MAP3K4: variants seen among roughly 807,000 people sequenced by gnomAD.
MAP3K4 encodes MAP three kinase 1.
MAP3K4 carries 67 observed loss-of-function variants against 185.6 expected under a neutral mutation model. That is an observed-to-expected ratio of 0.36 (90% CI 0.30 to 0.44). The LOEUF is 0.44. Among genes scored for constraint, MAP3K4 ranks in the 20% least tolerant of loss-of-function variants. MAP3K4 has a pLI of 1.00. For synonymous variants in MAP3K4, 702 were observed against 710.4 expected (o/e 0.99, Z 0.19); for missense variants, 1,551 against 1,995.1 (o/e 0.78, Z 4.24).
chr6:161,083,001 G>A (rs892946243), intron 6 of MAP3K4, among the ~76,000 whole-genome samples: 3 of 152,120 alleles, frequency 2.0e-5, no homozygotes, highest in Non-Finnish European at 2.9e-5. Flanking sequence ...TTCTCATTAC[G>A]TCTTTGTCCT....
Position 161,034,594 on chromosome 6 carries a change from T to A in MAP3K4, c.343+145T>A. On this transcript the variant is annotated intron_variant, in intron 2 of 26. Coordinates refer to ENST00000392142, the MANE Select transcript of MAP3K4 (RefSeq NM_005922.4). This position sits in a 1 kb window ranked among gnomAD's most constrained non-coding sequence, Gnocchi z 4.4. ...TCAATTTTTTTTTGAATTATTACCA[T>A]TAGTATTAATAAAATTGACACATAG... is the stretch of plus-strand genomic sequence containing the variant. 4.6e-6 allele frequency: 3 copies of A among 648,990 alleles called. No individual in the cohort carries two copies. The highest frequency in any genetic ancestry group is 7.7e-6 in the Non-Finnish European group (3 of 390,324). 40.2% of individuals were successfully genotyped at this position (648,990 alleles called of 1,614,324 possible).
Position 161,063,691 on chromosome 6 carries a change from ATAT to A in MAP3K4, c.1708-6913_1708-6911del, listed in dbSNP as rs1784578693. Among the ~76,000 whole-genome samples the A allele has an allele frequency of 6.6e-6, 1 of 151,960 alleles. No homozygotes were observed. Among genetic ancestry groups the A allele is most frequent in the African/African-American group, 2.4e-5 (1 of 41,350 alleles). On this transcript the variant is annotated intron_variant, in intron 3 of 26. Coordinates refer to ENST00000392142, the MANE Select transcript of MAP3K4 (RefSeq NM_005922.4). The surrounding 1 kb of genome is among the most constrained non-coding windows in gnomAD (Gnocchi z 5.4). ...GGGAATTTGGGGTACTAGTTTTAAG[ATAT>A]TATGGGGCCTAAACCACTCCAGCCC...
Position 161,100,810 on chromosome 6 carries a change from T to C in MAP3K4, c.3675-1082T>C, listed in dbSNP as rs1168503078. 1.3e-5 allele frequency among the ~76,000 whole-genome samples: 2 copies of C among 152,082 alleles called. No individual in the cohort carries two copies. The highest frequency in any genetic ancestry group is 1.9e-4 in the East Asian group (1 of 5,190). ...TCTTTGTTGCTGCTTAGGAGTGGAG[T>C]AGGCTTCCTCACTTCAACACCAGTG... On this transcript the variant is annotated intron_variant, in intron 17 of 26. Coordinates refer to ENST00000392142, the MANE Select transcript of MAP3K4 (RefSeq NM_005922.4). This position sits in a 1 kb window ranked among gnomAD's most constrained non-coding sequence, Gnocchi z 5.8.
chr6:161,062,919 T>TC (rs1784544846), intron 3 of MAP3K4, among the ~76,000 whole-genome samples: 3 of 151,858 alleles, frequency 2.0e-5, no homozygotes. Context: ...TTTCTTAACT[T>TC]ACAGTTTCAC....
At chr6:161,104,652 A>G (rs1056899358) in intron 19 of MAP3K4, among the ~76,000 whole-genome samples, 1 of 148,826 alleles carries the variant, frequency 6.7e-6, no homozygotes, top group Admixed American at 6.8e-5. Flanking sequence ...CGGAGGTTGC[A>G]GTGAACCAAG....
At position 161,086,745 on chromosome 6, in the gene MAP3K4, G is replaced by A. The variant is rs2114854905; in HGVS notation, c.2556+78G>A. 1 of 1,138,436 alleles carries A rather than the reference G, an allele frequency of 8.8e-7. No individual in the cohort carries two copies. Among genetic ancestry groups the A allele is most frequent in the East Asian group, 2.5e-5 (1 of 40,592 alleles). 70.5% of individuals were successfully genotyped at this position (1,138,436 alleles called of 1,614,324 possible). ...TAAAACAGGCAGACTTTTTCTTGAAGGTCCAGATAGTAAATATTACAGGCT... is the reference window on the plus strand; with the variant it reads ...TAAAACAGGCAGACTTTTTCTTGAAAGTCCAGATAGTAAATATTACAGGCT... On this transcript the variant is annotated intron_variant, in intron 9 of 26. Transcript: ENST00000392142. This position sits in a 1 kb window ranked among gnomAD's most constrained non-coding sequence, Gnocchi z 4.8.
At chr6:161,004,763 C>G (rs1781493937) in intron 1 of MAP3K4, among the ~76,000 whole-genome samples, 1 of 152,062 alleles carries the variant, frequency 6.6e-6, no homozygotes, top group South Asian at 2.1e-4. Context: ...AGAAACTTTC[C>G]TGAAGGAGAA....
intron 6 of MAP3K4, among the ~76,000 whole-genome samples, chr6:161,081,653 TG>T: frequency 6.6e-6 from 1 of 152,186 alleles, no homozygotes; most frequent in East Asian, 1.9e-4. Flanking sequence ...AGGGCTGGTC[TG>T]TCAGTTCTAG....
Position 161,112,649 on chromosome 6 carries a change from A to G in MAP3K4, c.4520-19A>G, listed in dbSNP as rs1217241860. 11 of 1,520,056 alleles carry G rather than the reference A, an allele frequency of 7.2e-6. No individual in the cohort carries two copies. Among genetic ancestry groups the G allele is most frequent in the African/African-American group, 2.8e-5 (2 of 71,890 alleles). The allele number at this position is 1,520,056 out of a possible 1,614,324, so 94.2% of individuals were successfully genotyped here. A position where few individuals can be genotyped will look rare whatever the true frequency, so the allele number is the denominator to read the frequency against. ...GTGTTTATAACCCATTACTCTCAAC[A>G]TATCTGTGACTTTTAAAGCATACAT... On this transcript the variant is annotated intron_variant, in intron 24 of 26. Coordinates refer to ENST00000392142, the MANE Select transcript of MAP3K4 (RefSeq NM_005922.4). The surrounding 1 kb of genome is among the most constrained non-coding windows in gnomAD (Gnocchi z 5.1).
At position 160,991,981 on chromosome 6, in the gene MAP3K4, C is replaced by T; in HGVS notation, c.50C>T (p.Thr17Met). The T allele has an allele frequency of 6.5e-7, 1 of 1,543,820 alleles. No homozygotes were observed. The highest frequency in any genetic ancestry group is 8.7e-7 in the Non-Finnish European group (1 of 1,152,096). Reference sequence around the variant, plus strand: ...GTCCCTCCTCCCGCCTTTGCCGTCACGCCTGCCGCCGCCATGGAGGAGCCG... The same window carrying T: ...GTCCCTCCTCCCGCCTTTGCCGTCATGCCTGCCGCCGCCATGGAGGAGCCG... ...ALVPPPAFAVTPAAAMEEPPP... is the reference protein window; with the variant it reads ...ALVPPPAFAVMPAAAMEEPPP... The change falls in exon 1 of 27, where the codon ACG (threonine) becomes ATG (methionine). Residue 17 changes from threonine (T) to methionine (M), a missense_variant. By Grantham distance (81) the Thr-to-Met change is moderately conservative (BLOSUM62 -1). Coordinates refer to ENST00000392142, the MANE Select transcript of MAP3K4 (RefSeq NM_005922.4). The surrounding 1 kb of genome is among the most constrained non-coding windows in gnomAD (Gnocchi z 5.7).
intron 2 of MAP3K4, among the ~76,000 whole-genome samples, chr6:161,047,276 A>G (rs1457225106): frequency 1.4e-5 from 1 of 73,280 alleles, no homozygotes; most frequent in Non-Finnish European, 3.5e-5. Context: ...TCCTGTCTCT[A>G]CCCAAAAAAA....
At position 161,107,032 on chromosome 6, in the gene MAP3K4, C is replaced by G. The variant is rs1013849875; in HGVS notation, c.4048+327C>G. 7.7e-6 allele frequency among the ~76,000 whole-genome samples: 1 copy of G among 129,552 alleles called. No homozygotes were observed. The highest frequency in any genetic ancestry group is 1.6e-5 in the Non-Finnish European group (1 of 62,646). The allele number at this position is 129,552 out of a possible 152,430, so 85.0% of individuals were successfully genotyped here. A position where few individuals can be genotyped will look rare whatever the true frequency, so the allele number is the denominator to read the frequency against. On this transcript the variant is annotated intron_variant, in intron 20 of 26. Coordinates refer to ENST00000392142, the MANE Select transcript of MAP3K4 (RefSeq NM_005922.4). The surrounding 1 kb of genome is among the most constrained non-coding windows in gnomAD (Gnocchi z 6.2). ...CCCATTTGTTCTAGTTTCTCTCTCT[C>G]TCTCTACACACGCGCGCGCACACAC...
chr6:161,026,193 C>T (rs13206391), intron 1 of MAP3K4, among the ~76,000 whole-genome samples: 9,579 of 151,932 alleles, frequency 0.063, 517 homozygotes, highest in East Asian at 0.3. Context: ...TGCAGTGGCG[C>T]GATCTCGGCT....
rs542970472 is a variant in MAP3K4, at chr6:161,093,419, C to T, written c.3349-354C>T. Among the ~76,000 whole-genome samples, 1 of 152,294 alleles carries T rather than the reference C, an allele frequency of 6.6e-6. No homozygotes were observed. On this transcript the variant is annotated intron_variant, in intron 14 of 26. Coordinates refer to ENST00000392142, the MANE Select transcript of MAP3K4 (RefSeq NM_005922.4). This position sits in a 1 kb window ranked among gnomAD's most constrained non-coding sequence, Gnocchi z 5.2. ...GCATCATGCTCGTGTTAAATATTAT[C>T]ACTGTTAGTCTGATAAGTGTCATCA...
At position 161,098,447 on chromosome 6, in the gene MAP3K4, G is replaced by T; in HGVS notation, c.3674+20G>T. On this transcript the variant is annotated intron_variant, in intron 17 of 26. Coordinates refer to ENST00000392142, the MANE Select transcript of MAP3K4 (RefSeq NM_005922.4). The surrounding 1 kb of genome is among the most constrained non-coding windows in gnomAD (Gnocchi z 4.4). Reference sequence around the variant, plus strand: ...TACCAGGTAGTCTCACCCCACCAGTGTCCCGTACCCTCACCACCCCTTACA... The same window carrying T: ...TACCAGGTAGTCTCACCCCACCAGTTTCCCGTACCCTCACCACCCCTTACA... 1 of 1,606,848 alleles carries T rather than the reference G, an allele frequency of 6.2e-7. No homozygotes were observed. Among genetic ancestry groups the T allele is most frequent in the Non-Finnish European group, 8.5e-7 (1 of 1,175,396 alleles).
At position 161,106,705 on chromosome 6, in the gene MAP3K4, G is replaced by T; in HGVS notation, c.4048G>T (p.Gly1350Ter). 1 of 1,605,784 alleles carries T rather than the reference G, an allele frequency of 6.2e-7. No homozygotes were observed. Among genetic ancestry groups the T allele is most frequent in the Non-Finnish European group, 8.5e-7 (1 of 1,175,584 alleles). ...CAAATGGCAAAGAGGAAACAAAATT[G>T]GTAAGGAAATTAAGGAGCATGATGT... is the stretch of plus-strand genomic sequence containing the variant. ...TFKWQRGNKI[G>*]EGQYGKVYTC... is the part of the protein sequence containing the mutation. Residue 1350 changes from glycine (G) to a stop codon, truncating the protein, a stop_gained and splice_region_variant, in exon 20 of 27, where the codon GGA becomes TGA. Transcript: ENST00000392142. LOFTEE classifies it high-confidence loss of function. The surrounding 1 kb of genome is among the most constrained non-coding windows in gnomAD (Gnocchi z 4.9).
At chr6:161,050,487 G>A (rs1019161887) in intron 3 of MAP3K4, among the ~76,000 whole-genome samples, 1 of 152,158 alleles carries the variant, frequency 6.6e-6, no homozygotes, top group African/African-American at 2.4e-5. Context: ...ATGATCAAGG[G>A]GAAAAAGCCA....
intron 1 of MAP3K4, among the ~76,000 whole-genome samples, chr6:161,004,889 T>C (rs1000502007): frequency 6.6e-6 from 1 of 152,028 alleles, no homozygotes; most frequent in Non-Finnish European, 1.5e-5. Flanking sequence ...AGAATAACTT[T>C]TACAGTCTAT....
Position 160,992,006 on chromosome 6 carries a change from G to GCCGCCA in MAP3K4, c.81_86dup (p.Pro35_Pro36dup), listed in dbSNP as rs759924413. ...CGCCTGCCGCCGCCATGGAGGAGCC[G>GCCGCCA]CCGCCACCGCCGCCGCCGCCACCAC... On this transcript the variant is annotated inframe_insertion, in exon 1 of 27. Coordinates refer to ENST00000392142, the MANE Select transcript of MAP3K4 (RefSeq NM_005922.4). 19 of 1,543,934 alleles carry GCCGCCA rather than the reference G, an allele frequency of 1.2e-5. No individual in the cohort carries two copies. The highest frequency in any genetic ancestry group is 1.6e-5 in the Non-Finnish European group (18 of 1,152,154).
Sources: gnomAD v4.1 joint callset for allele counts (sites outside exome capture counted in the v4.1 genomes callset) on GRCh38, gnomAD v4.1.1 for gene constraint, Gnocchi (gnomAD v3.1) non-coding constraint, MANE v1.5 for transcripts, NCBI Gene and HGNC (gene_info 2026-07-23, HGNC 2026-07-21) for gene names.